TSHR: variants seen among roughly 807,000 people sequenced by gnomAD.
TSHR encodes thyroid stimulating hormone receptor, also known as thyrotropin receptor.
Under a neutral mutation model 64.1 loss-of-function variants are expected in TSHR, and 51 were observed. That is an observed-to-expected ratio of 0.80 (90% CI 0.64 to 1.01). The LOEUF is 1.01. Among genes scored for constraint, TSHR ranks in the 50% least tolerant of loss-of-function variants. The pLI, the probability that TSHR is intolerant of heterozygous loss-of-function variation, is 0.00. For missense variants in TSHR, 877 were observed against 942.8 expected, an observed-to-expected ratio of 0.93 and a Z score of 0.91; for synonymous variants, 361 against 361.9, an observed-to-expected ratio of 1.00 and a Z score of 0.03.
At chr14:81,134,376 T>TCCA (rs371397048) in intron 8 of TSHR, among the ~76,000 whole-genome samples, 4 of 152,206 alleles carry the variant, frequency 2.6e-5, no homozygotes, top group African/African-American at 9.6e-5. Flanking sequence ...CCTCAGGTGA[T>TCCA]CCACCCGCCT....
At chr14:81,066,559 A>G (rs1262103080) in intron 2 of TSHR, among the ~76,000 whole-genome samples, 1 of 152,234 alleles carries the variant, frequency 6.6e-6, no homozygotes, top group Non-Finnish European at 1.5e-5. Context: ...ACCAAGATAA[A>G]AACTTAGAAT....
intron 8 of TSHR, among the ~76,000 whole-genome samples, chr14:81,132,302 G>A (rs1012226809): frequency 2.0e-5 from 3 of 152,130 alleles, no homozygotes; most frequent in African/African-American, 7.2e-5. Flanking sequence ...AAGCCAATTA[G>A]TGCTTCTTTA....
chr14:81,022,550 C>A (rs554814216), intron 1 of TSHR, among the ~76,000 whole-genome samples: 1 of 151,240 alleles, frequency 6.6e-6, no homozygotes, highest in Non-Finnish European at 1.5e-5. Context: ...GGGCCGGGCA[C>A]GGTGGCTCAC....
intron 7 of TSHR, among the ~76,000 whole-genome samples, chr14:81,098,585 A>G (rs989092536): frequency 2.0e-5 from 3 of 152,208 alleles, no homozygotes; most frequent in Non-Finnish European, 4.4e-5. Context: ...AATAATGAAG[A>G]TAGTTTGTAG....
At chr14:80,973,266 T>G (rs150259843) in intron 1 of TSHR, among the ~76,000 whole-genome samples, 9,020 of 151,330 alleles carry the variant, frequency 0.06, 369 homozygotes, top group Middle Eastern at 0.14. Context: ...TTAGCCGGGC[T>G]AGGTGGCGGG....
Position 81,062,305 on chromosome 14 carries a change from A to G in TSHR, c.242+86A>G, listed in dbSNP as rs890652448. 4 of 962,824 alleles carry G rather than the reference A, an allele frequency of 4.2e-6. No individual in the cohort carries two copies. The South Asian group carries it at 4.4e-5, about 10-fold the overall frequency. The allele number at this position is 962,824 out of a possible 1,614,324, so 59.6% of individuals were successfully genotyped here. ...TCTATCAAGAAAAATACTTGGTATT[A>G]TACTTGCATAAATCAATGGCAGTTA... On this transcript the variant is annotated intron_variant, in intron 2 of 9. Transcript: ENST00000298171.
chr14:81,078,885 G>A (rs536261905), intron 3 of TSHR: 2 of 152,288 alleles, frequency 1.3e-5, no homozygotes, highest in African/African-American at 2.4e-5. Flanking sequence ...AGGCTACAGA[G>A]AGCAGAAAAT....
chr14:81,036,121 A>G (rs958379844), intron 1 of TSHR, among the ~76,000 whole-genome samples: 3 of 152,212 alleles, frequency 2.0e-5, no homozygotes, highest in African/African-American at 7.2e-5. Context: ...AAATATTTGC[A>G]TTATGGGATT....
intron 3 of TSHR, among the ~76,000 whole-genome samples, chr14:81,082,038 C>T (rs1260311845): frequency 6.6e-6 from 1 of 152,158 alleles, no homozygotes; most frequent in East Asian, 1.9e-4. Flanking sequence ...GTCCCAGAGG[C>T]AGCAACAGGC....
Position 81,143,481 on chromosome 14 carries a change from C to T in TSHR, c.1423C>T (p.Leu475Phe), listed in dbSNP as rs760771267. 1.9e-6 allele frequency: 3 copies of T among 1,614,096 alleles called. No individual in the cohort carries two copies. The highest frequency in any genetic ancestry group is 2.2e-5 in the East Asian group (1 of 44,880). ...MYLLLIASVDLYTHSEYYNHA... is the reference protein window; with the variant it reads ...MYLLLIASVDFYTHSEYYNHA... ...CCTGCTCCTCATCGCCTCTGTAGACCTCTACACTCACTCTGAGTACTACAA... is the reference window on the plus strand; with the variant it reads ...CCTGCTCCTCATCGCCTCTGTAGACTTCTACACTCACTCTGAGTACTACAA... The change falls in exon 10 of 10, where the codon CTC (leucine) becomes TTC (phenylalanine). Residue 475 changes from leucine to phenylalanine, a missense_variant. Transcript: ENST00000298171.
intron 8 of TSHR, among the ~76,000 whole-genome samples, chr14:81,115,374 A>G (rs201303604): frequency 0.25 from 34,087 of 135,002 alleles, 5,098 homozygotes; most frequent in East Asian, 0.43. Context: ...CGAGAACTAC[A>G]TGAAGAATGC....
chr14:81,070,826 T>G (rs1192491798), intron 3 of TSHR, among the ~76,000 whole-genome samples: 1 of 151,836 alleles, frequency 6.6e-6, no homozygotes, highest in African/African-American at 2.4e-5. Flanking sequence ...GATAGATACT[T>G]CAAGCAAACA....
rs1270662768 is a variant in TSHR, at chr14:81,145,214, T to C, written c.*861T>C. On this transcript the variant is annotated 3_prime_UTR_variant, in exon 10 of 10. Transcript: ENST00000298171. Reference sequence around the variant, plus strand: ...TAATTAACTATGGGACTTAAATCTGTAGAAATGAAGGAGTCCAATAGCTTC... The same window carrying C: ...TAATTAACTATGGGACTTAAATCTGCAGAAATGAAGGAGTCCAATAGCTTC... 8.6e-6 allele frequency: 2 copies of C among 232,998 alleles called. No homozygotes were observed. The highest frequency in any genetic ancestry group is 1.7e-5 in the Non-Finnish European group (2 of 117,982). The allele number at this position is 232,998 out of a possible 1,614,324, so 14.4% of individuals were successfully genotyped here.
At chr14:81,070,487 C>A (rs926717723) in intron 3 of TSHR, among the ~76,000 whole-genome samples, 1 of 151,686 alleles carries the variant, frequency 6.6e-6, no homozygotes, top group Non-Finnish European at 1.5e-5. Flanking sequence ...ATTTGCCGGG[C>A]ATGGTGGTGT....
chr14:81,145,044 C>G lies in TSHR; in HGVS notation c.*691C>G, dbSNP rs1306646756. 4.3e-6 allele frequency: 1 copy of G among 233,130 alleles called. No homozygotes were observed. Among genetic ancestry groups the G allele is most frequent in the Non-Finnish European group, 8.5e-6 (1 of 118,074 alleles). The allele number at this position is 233,130 out of a possible 1,614,324, so 14.4% of individuals were successfully genotyped here. On this transcript the variant is annotated 3_prime_UTR_variant, in exon 10 of 10. Transcript: ENST00000298171. ...ACTGGCAAGATTTCAGCTTATGTGG[C>G]CTAGCAAACTAAGAATTGCTCTTCT...
chr14:81,077,150 T>C (rs1887563972), intron 3 of TSHR, among the ~76,000 whole-genome samples: 1 of 152,236 alleles, frequency 6.6e-6, no homozygotes, highest in Non-Finnish European at 1.5e-5. Flanking sequence ...CATTTGAATC[T>C]ATCCTTGAAT....
intron 1 of TSHR, among the ~76,000 whole-genome samples, chr14:80,959,019 T>C (rs1886870214): frequency 6.6e-6 from 1 of 152,250 alleles, no homozygotes; most frequent in Non-Finnish European, 1.5e-5. Flanking sequence ...CTTTATCTTC[T>C]ACTCATAGAT....
At chr14:81,002,661 A>G (rs1250737626) in intron 1 of TSHR, among the ~76,000 whole-genome samples, 1 of 152,068 alleles carries the variant, frequency 6.6e-6, no homozygotes, top group Non-Finnish European at 1.5e-5. Context: ...CACTCATGCC[A>G]TAAACAGAAA....
chr14:80,996,597 AC>A (rs869090317), intron 1 of TSHR, among the ~76,000 whole-genome samples: 1 of 40,814 alleles, frequency 2.5e-5, no homozygotes, highest in Non-Finnish European at 7.1e-5. Flanking sequence ...CTGGTCCTCA[AC>A]TGGCAAGAAG....
Sources: gnomAD v4.1 joint callset for allele counts (sites outside exome capture counted in the v4.1 genomes callset) on GRCh38, gnomAD v4.1.1 for gene constraint, MANE v1.5 for transcripts, NCBI Gene and HGNC (gene_info 2026-07-23, HGNC 2026-07-21) for gene names.